CD300LF: variants seen among roughly 807,000 people sequenced by gnomAD.
CD300LF encodes CD300 molecule like family member f.
A neutral mutation model predicts 32.2 loss-of-function variants in CD300LF; 27 were observed. The observed-to-expected ratio is 0.84, with a 90% CI of 0.62 to 1.15. The LOEUF is 1.15. CD300LF is among the 50% of genes most tolerant of loss of function. The pLI, the probability that CD300LF is intolerant of heterozygous loss-of-function variation, is 0.00. For synonymous variants in CD300LF, 139 were observed against 143.2 expected, an observed-to-expected ratio of 0.97 and a Z score of 0.21; for missense variants, 348 against 356.8, an observed-to-expected ratio of 0.98 and a Z score of 0.20.
intron 1 of CD300LF, 74 bp downstream of exon 1, chr17:74,712,750 C>G (rs750346658): frequency 3.5e-5 from 53 of 1,515,748 alleles, no homozygotes; most frequent in Non-Finnish European, 4.7e-5. Context: ...CTGGCCGGGT[C>G]CCTTCTTCCC....
intron 2 of CD300LF, 176 bp from the exon 3 acceptor site, chr17:74,703,274 G>A: frequency 1.5e-6 from 1 of 661,244 alleles, no homozygotes; most frequent in African/African-American, 1.8e-5. Context: ...CTGCAGCCTG[G>A]ACCACTCATG....
At chr17:74,702,073 C>A (rs1213545675) in intron 3 of CD300LF, among the ~76,000 whole-genome samples, 1 of 151,138 alleles carries the variant, frequency 6.6e-6, no homozygotes, top group East Asian at 1.9e-4. Flanking sequence ...AAACAGAAGG[C>A]AAATGGGAGA....
At chr17:74,703,272 T>C (rs1277880214) in intron 2 of CD300LF, 174 bp from the exon 3 acceptor site, 12 of 672,684 alleles carry the variant, frequency 1.8e-5, no homozygotes, top group Non-Finnish European at 3.0e-5. Flanking sequence ...GGCTGCAGCC[T>C]GGACCACTCA....
chr17:74,703,768 G>A (rs747762625), intron 2 of CD300LF, among the ~76,000 whole-genome samples: 10 of 152,140 alleles, frequency 6.6e-5, no homozygotes, highest in Non-Finnish European at 1.2e-4. Context: ...AAGGGCCCTC[G>A]AGCCATCCTG....
In CD300LF at chr17:74,712,825, T is replaced by C. The variant is rs769759652; in HGVS notation, c.42A>G (p.Ser14=). The C allele has an allele frequency of 4.3e-6, 7 of 1,613,962 alleles. No homozygotes were observed. The highest frequency in any genetic ancestry group is 5.9e-6 in the Non-Finnish European group (7 of 1,179,950). The change falls in exon 1 of 7, where the codon TCA becomes TCG. Residue 14 remains serine, a splice_region_variant and synonymous_variant. Transcript: ENST00000326165. ...GAAGACAGACCCAGGCCCGCTCACC[T>C]GAGAGCCAGAAGAGGAGCAGGTAGA... ...LTLYLLLFWL[S]GYSIVTQITG... is the part of the protein sequence containing the mutation.
intron 3 of CD300LF, among the ~76,000 whole-genome samples, chr17:74,700,902 G>A (rs955666195): frequency 2.0e-5 from 3 of 151,758 alleles, no homozygotes; most frequent in Non-Finnish European, 4.4e-5. Context: ...AGGTGATTGA[G>A]GTTAAGTGAG....
chr17:74,703,844 C>T (rs929250070), intron 2 of CD300LF, among the ~76,000 whole-genome samples: 6 of 152,188 alleles, frequency 3.9e-5, no homozygotes, highest in African/African-American at 1.4e-4. Flanking sequence ...GGCACTGGGA[C>T]CCCTGAGCTA....
intron 3 of CD300LF, among the ~76,000 whole-genome samples, chr17:74,700,761 A>G (rs2032974694): frequency 6.6e-6 from 1 of 152,076 alleles, no homozygotes; most frequent in Non-Finnish European, 1.5e-5. Context: ...CAAAACAAAC[A>G]AACAACAAAA....
chr17:74,709,101 G>A (rs1336073740), intron 1 of CD300LF, among the ~76,000 whole-genome samples: 2 of 151,674 alleles, frequency 1.3e-5, no homozygotes, highest in African/African-American at 4.9e-5. Context: ...GCGGGCGCCT[G>A]TAGTCCCAGC....
chr17:74,702,963 T>C (rs1056586933), intron 3 of CD300LF, 72 bp downstream of exon 3: 1 of 1,262,030 alleles, frequency 7.9e-7, no homozygotes, highest in Non-Finnish European at 1.2e-6. Flanking sequence ...GGCTGGAAAA[T>C]GGGACTTCAA....
At chr17:74,707,488 G>T (rs890643991) in intron 1 of CD300LF, among the ~76,000 whole-genome samples, 3 of 152,180 alleles carry the variant, frequency 2.0e-5, no homozygotes, top group African/African-American at 7.2e-5. Context: ...GCCACATTGG[G>T]TGGATCATCT....
chr17:74,695,798 G>T lies in CD300LF; in HGVS notation c.644C>A (p.Thr215Asn), dbSNP rs2032402903. 4.3e-6 allele frequency: 7 copies of T among 1,614,034 alleles called. No individual in the cohort carries two copies. The highest frequency in any genetic ancestry group is 5.1e-6 in the Non-Finnish European group (6 of 1,180,028). The change falls in exon 6 of 7, where the codon ACC (threonine) becomes AAC (asparagine). Residue 215 changes from threonine (T) to asparagine (N), a missense_variant. Transcript: ENST00000326165. Reference sequence around the variant, plus strand: ...CTTCGTGGTAGCCTTTTGCGGGGAGGTTCCGGCCAGCTGCAGGGTCAGGTC... The same window carrying T: ...CTTCGTGGTAGCCTTTTGCGGGGAGTTTCCGGCCAGCTGCAGGGTCAGGTC... ...YADLTLQLAG[T>N]SPQKATTKLS...
intron 1 of CD300LF, among the ~76,000 whole-genome samples, chr17:74,709,475 T>G (rs1027565429): frequency 1.3e-5 from 2 of 152,204 alleles, no homozygotes; most frequent in Non-Finnish European, 2.9e-5. Flanking sequence ...TTTGTTAACA[T>G]GGATGTTGAA....
In CD300LF at chr17:74,696,225, A is replaced by G. The variant is rs1314950414; in HGVS notation, c.560-8T>C. The G allele has an allele frequency of 1.2e-6, 2 of 1,606,112 alleles. No individual in the cohort carries two copies. The highest frequency in any genetic ancestry group is 2.7e-5 in the African/African-American group (2 of 74,454). On this transcript the variant is annotated splice_region_variant and splice_polypyrimidine_tract_variant and intron_variant, in intron 4 of 6. Coordinates refer to ENST00000326165, the MANE Select transcript of CD300LF (RefSeq NM_139018.5). ...CTGGGGACATCCCGGCTGCTAAAAG[A>G]CAAACAACAATTCAGAATTAGAAAG...
chr17:74,694,805 G>T lies in CD300LF; in HGVS notation c.*291C>A. 1 of 292,040 alleles carries T rather than the reference G, an allele frequency of 3.4e-6. No homozygotes were observed. Among genetic ancestry groups the T allele is most frequent in the Non-Finnish European group, 6.3e-6 (1 of 157,948 alleles). The allele number at this position is 292,040 out of a possible 1,614,324, so 18.1% of individuals were successfully genotyped here. A position where few individuals can be genotyped will look rare whatever the true frequency, so the allele number is the denominator to read the frequency against. On this transcript the variant is annotated 3_prime_UTR_variant, in exon 7 of 7. Coordinates refer to ENST00000326165, the MANE Select transcript of CD300LF (RefSeq NM_139018.5). ...GATAATGGTACTTCATGATAATAAT[G>T]ATAACATTTTTCTCATTATCATCTT... is the stretch of plus-strand genomic sequence containing the variant.
rs775422171 is a variant in CD300LF at position 74,695,828 on chromosome 17, T to G, written c.614A>C (p.Tyr205Ser). The change falls in exon 6 of 7, where the codon TAT becomes TCT. Residue 205 changes from tyrosine (Y) to serine (S), a missense_variant. Coordinates refer to ENST00000326165, the MANE Select transcript of CD300LF (RefSeq NM_139018.5). ...VLQPLEGDLCYADLTLQLAGT... is the reference protein window; with the variant it reads ...VLQPLEGDLCSADLTLQLAGT... ...GGCCAGCTGCAGGGTCAGGTCTGCA[T>G]AGCAGAGGTCGCCCTCCAGGGGCTG... The G allele has an allele frequency of 1.2e-6, 2 of 1,613,924 alleles. No homozygotes were observed. Among genetic ancestry groups the G allele is most frequent in the South Asian group, 2.2e-5 (2 of 91,078 alleles).
At chr17:74,708,625 T>C (rs1157646009) in intron 1 of CD300LF, among the ~76,000 whole-genome samples, 1 of 152,054 alleles carries the variant, frequency 6.6e-6, no homozygotes, top group East Asian at 1.9e-4. Context: ...CATTAAAAAA[T>C]CAATAAGGAG....
At chr17:74,701,847 CAAA>C (rs11321122) in intron 3 of CD300LF, among the ~76,000 whole-genome samples, 8 of 86,670 alleles carry the variant, frequency 9.2e-5, no homozygotes, top group Admixed American at 1.2e-4. Context: ...GAGAATCCGT[CAAA>C]AAAAAAAAAA....
chr17:74,697,367 G>T (rs751816894), intron 4 of CD300LF, among the ~76,000 whole-genome samples: 1 of 152,128 alleles, frequency 6.6e-6, no homozygotes, highest in African/African-American at 2.4e-5. Context: ...GAAATGGGGG[G>T]TTTTCCCCTG....
Sources: allele counts gnomAD v4.1 joint callset (sites outside exome capture counted in the v4.1 genomes callset), GRCh38; gene constraint gnomAD v4.1.1; transcripts MANE v1.5; gene names NCBI Gene and HGNC (gene_info 2026-07-23, HGNC 2026-07-21).